Variants in EPM2A observed in about 807,000 individuals in gnomAD.
The protein encoded by EPM2A is EPM2A glucan phosphatase, laforin.
Under a neutral mutation model 26.5 loss-of-function variants are expected in EPM2A, and 21 were observed. That is an observed-to-expected ratio of 0.79 (90% CI 0.56 to 1.14). The LOEUF is 1.14. EPM2A is among the 50% of genes most tolerant of loss of function. The pLI is 0.00. For synonymous variants in EPM2A, 217 were observed against 177.6 expected (o/e 1.22, Z -1.76); for missense variants, 458 against 440.8 (o/e 1.04, Z -0.35).
intron 4 of EPM2A, among the ~76,000 whole-genome samples, chr6:145,397,309 C>T (rs1185177531): frequency 1.3e-5 from 2 of 152,000 alleles, no homozygotes; most frequent in African/African-American, 4.8e-5. Flanking sequence ...GGCATGGTGG[C>T]ACATGCCTGT....
intron 1 of EPM2A, among the ~76,000 whole-genome samples, chr6:145,714,741 C>A (rs938235227): frequency 2.0e-5 from 3 of 152,172 alleles, no homozygotes; most frequent in African/African-American, 7.2e-5. Context: ...AGATCTTGTG[C>A]AGGGAAACTC....
intron 2 of EPM2A, among the ~76,000 whole-genome samples, chr6:145,584,503 G>C (rs776335155): frequency 6.6e-6 from 1 of 152,112 alleles, no homozygotes; most frequent in Non-Finnish European, 1.5e-5. Context: ...GGCATCGCTG[G>C]CCATGCTCCA....
chr6:145,479,256 A>G (rs977751598), intron 4 of EPM2A, among the ~76,000 whole-genome samples: 8 of 147,554 alleles, frequency 5.4e-5, no homozygotes, highest in Non-Finnish European at 9.0e-5. Context: ...AAATTAGCCA[A>G]TTAGCCATTT....
rs574144376 is a variant in EPM2A, at chr6:145,517,176, G to A, written c.341-14601C>T. Reference sequence around the variant, plus strand: ...ACTCATAGAAACTAAAAGTAGAATGGTGGTTGCCTAGGGGAGGGAGAAATG... The same window carrying A: ...ACTCATAGAAACTAAAAGTAGAATGATGGTTGCCTAGGGGAGGGAGAAATG... On this transcript the variant is annotated intron_variant, in intron 2 of 3. Transcript: ENST00000450221. Among the ~76,000 whole-genome samples, 4 of 152,268 alleles carry A rather than the reference G, an allele frequency of 2.6e-5. No individual in the cohort carries two copies. The South Asian group carries it at 8.3e-4, about 32-fold the overall frequency.
intron 1 of EPM2A, among the ~76,000 whole-genome samples, chr6:145,707,898 A>C (rs1782314433): frequency 6.6e-6 from 1 of 152,218 alleles, no homozygotes; most frequent in African/African-American, 2.4e-5. Flanking sequence ...TGGAGGGCTC[A>C]GAAGACAGGA....
chr6:145,440,511 T>C (rs377692997), intron 4 of EPM2A, among the ~76,000 whole-genome samples: 1 of 152,148 alleles, frequency 6.6e-6, no homozygotes, highest in African/African-American at 2.4e-5. Flanking sequence ...CTTAACTCAT[T>C]TCAGCATTAA....
intron 2 of EPM2A, among the ~76,000 whole-genome samples, chr6:145,657,639 C>G (rs558407061): frequency 1.6e-4 from 25 of 152,126 alleles, no homozygotes; most frequent in Non-Finnish European, 3.2e-4. Context: ...AATAGATGTG[C>G]CTTTCAATAC....
chr6:145,709,652 A>G (rs1001473342), intron 1 of EPM2A, among the ~76,000 whole-genome samples: 1 of 152,164 alleles, frequency 6.6e-6, no homozygotes, highest in Non-Finnish European at 1.5e-5. Context: ...ACATCATCTA[A>G]ATATTTTGAA....
chr6:145,562,987 C>T (rs562231748), intron 2 of EPM2A, among the ~76,000 whole-genome samples: 107 of 151,404 alleles, frequency 7.1e-4, no homozygotes, highest in African/African-American at 2.5e-3. Context: ...TGGATGAAGC[C>T]ACACAGGCAT....
At chr6:145,580,724 T>C (rs1935614) in intron 2 of EPM2A, among the ~76,000 whole-genome samples, 4,827 of 152,234 alleles carry the variant, frequency 0.032, 88 homozygotes, top group African/African-American at 0.057. Flanking sequence ...TTTGTGTCTA[T>C]GTATACTCAG....
chr6:145,657,883 G>A (rs533075599), intron 2 of EPM2A, among the ~76,000 whole-genome samples: 1 of 152,280 alleles, frequency 6.6e-6, no homozygotes, highest in Non-Finnish European at 1.5e-5. Flanking sequence ...GGGCACTCAG[G>A]TGATGCGTTT....
chr6:145,710,437 G>A (rs571053484), intron 1 of EPM2A, among the ~76,000 whole-genome samples: 21 of 152,320 alleles, frequency 1.4e-4, no homozygotes, highest in African/African-American at 4.8e-4. Context: ...TCTCACACCA[G>A]TTACAATGGC....
intron 1 of EPM2A, among the ~76,000 whole-genome samples, chr6:145,710,800 AATG>A: frequency 6.6e-6 from 1 of 152,046 alleles, no homozygotes; most frequent in Non-Finnish European, 1.5e-5. Flanking sequence ...CACAAAAAAT[AATG>A]AGTTCATGTC....
chr6:145,632,643 C>A (rs1297868390), intron 3 of EPM2A, among the ~76,000 whole-genome samples: 1 of 152,208 alleles, frequency 6.6e-6, no homozygotes, highest in African/African-American at 2.4e-5. Flanking sequence ...CTAGCGGTGA[C>A]AGTCAAGCCT....
chr6:145,652,948 T>C (rs1777988198), intron 2 of EPM2A, among the ~76,000 whole-genome samples: 1 of 152,214 alleles, frequency 6.6e-6, no homozygotes, highest in Admixed American at 6.5e-5. Context: ...GATTAAAAGA[T>C]ATTCCCTTTC....
At chr6:145,490,945 G>A in intron 4 of EPM2A, 1 of 808,100 alleles carries the variant, frequency 1.2e-6, no homozygotes, top group South Asian at 1.3e-5. Flanking sequence ...TGTACTTTAT[G>A]GATGCTTGGC....
chr6:145,434,457 G>A (rs1269793073), intron 4 of EPM2A, among the ~76,000 whole-genome samples: 2 of 151,932 alleles, frequency 1.3e-5, no homozygotes, highest in Admixed American at 1.3e-4. Flanking sequence ...AGATCTGGTT[G>A]TTTAAAAGTG....
At chr6:145,676,498 T>C (rs1780052061) in intron 2 of EPM2A, among the ~76,000 whole-genome samples, 1 of 151,992 alleles carries the variant, frequency 6.6e-6, no homozygotes, top group African/African-American at 2.4e-5. Context: ...AGCTGGTTTT[T>C]TGAAAAGATC....
At chr6:145,463,629 T>C (rs1027703320) in intron 4 of EPM2A, among the ~76,000 whole-genome samples, 1 of 152,128 alleles carries the variant, frequency 6.6e-6, no homozygotes, top group African/African-American at 2.4e-5. Context: ...TATAAATCTA[T>C]GTAATTATTC....
Sources: gnomAD v4.1 joint callset for allele counts (sites outside exome capture counted in the v4.1 genomes callset) on GRCh38, gnomAD v4.1.1 for gene constraint, MANE v1.5 for transcripts, NCBI Gene and HGNC (gene_info 2026-07-23, HGNC 2026-07-21) for gene names.